Variants in CAST observed in about 807,000 individuals in gnomAD.
CAST encodes the protein calpastatin.
A neutral mutation model predicts 119.6 loss-of-function variants in CAST; 76 were observed. The observed-to-expected ratio is 0.64, with a 90% CI of 0.53 to 0.77. The LOEUF (loss-of-function observed/expected upper bound fraction) is 0.77, where lower values mean the gene tolerates loss of function less well. Among genes scored for constraint, CAST ranks in the 30% least tolerant of loss-of-function variants. The pLI is 0.00. For missense variants in CAST, 953 were observed against 946.5 expected, an observed-to-expected ratio of 1.01 and a Z score of -0.09; for synonymous variants, 319 against 331.6, an observed-to-expected ratio of 0.96 and a Z score of 0.41.
chr5:96,330,225 T>G, the CAST span, among the ~76,000 whole-genome samples: 1 of 152,238 alleles, frequency 6.6e-6, no homozygotes, highest in Non-Finnish European at 1.5e-5. Flanking sequence ...AAAGACCATT[T>G]ACAAAGATGG....
chr5:96,551,232 T>C (rs1049865955), intron 1 of CAST, among the ~76,000 whole-genome samples: 6 of 152,182 alleles, frequency 3.9e-5, no homozygotes, highest in African/African-American at 1.4e-4. Context: ...GCAGAAACCC[T>C]ACAAGCCAGA....
At chr5:96,689,008 A>G (rs1171513133) in intron 2 of CAST, among the ~76,000 whole-genome samples, 1 of 130,298 alleles carries the variant, frequency 7.7e-6, no homozygotes, top group East Asian at 2.6e-4. Context: ...GCTTGTGTGT[A>G]GGGGTGGGGG....
chr5:96,631,261 A>T (rs1472767442), intron 1 of CAST, among the ~76,000 whole-genome samples: 1 of 141,106 alleles, frequency 7.1e-6, no homozygotes, highest in African/African-American at 2.5e-5. Flanking sequence ...AATTAGTCCC[A>T]ATTCACCTCT....
At chr5:96,678,402 T>C (rs1016460104) in intron 2 of CAST, among the ~76,000 whole-genome samples, 35 of 152,226 alleles carry the variant, frequency 2.3e-4, no homozygotes, top group African/African-American at 7.0e-4. Context: ...TTCTATCTTC[T>C]TCACAGTTTT....
chr5:96,326,695 A>ATTTTTTTTTTTTTTTTTTT, the CAST span, among the ~76,000 whole-genome samples: 37 of 95,734 alleles, frequency 3.9e-4, no homozygotes, highest in Non-Finnish European at 5.1e-4. Flanking sequence ...ATGGCTTTTC[A>ATTTTTTTTTTTTTTTTTTT]TTTTTTTTTT....
At chr5:96,663,298 G>T in intron 1 of CAST, 1 of 692,552 alleles carries the variant, frequency 1.4e-6, no homozygotes, top group Non-Finnish European at 2.6e-6. Flanking sequence ...TGCGGACCGG[G>T]TGCGACCTCC....
chr5:96,362,095 G>A, the CAST span, among the ~76,000 whole-genome samples: 50 of 151,870 alleles, frequency 3.3e-4, no homozygotes, highest in Non-Finnish European at 5.7e-4. Flanking sequence ...TTGGTTTTCT[G>A]TCCTTGCGAT....
chr5:96,645,225 T>G (rs1002424652), intron 1 of CAST, among the ~76,000 whole-genome samples: 7 of 152,186 alleles, frequency 4.6e-5, no homozygotes, highest in African/African-American at 1.4e-4. Context: ...TCTGATGTTT[T>G]TCTCATGAGT....
chr5:96,214,929 TG>T, the CAST span: 1 of 152,170 alleles, frequency 6.6e-6, no homozygotes, highest in African/African-American at 2.4e-5. Flanking sequence ...AAAGCCATAG[TG>T]TAATTCCACA....
At chr5:96,672,565 GA>G (rs1750208623) in intron 1 of CAST, among the ~76,000 whole-genome samples, 1 of 152,004 alleles carries the variant, frequency 6.6e-6, no homozygotes, top group African/African-American at 2.4e-5. Flanking sequence ...AAATTAATCG[GA>G]TGTGGTGGTG....
chr5:95,999,606 A>G, the CAST span, among the ~76,000 whole-genome samples: 4 of 152,298 alleles, frequency 2.6e-5, no homozygotes, highest in East Asian at 7.7e-4. Context: ...GGTCTCCCAA[A>G]GTGCTGGGAT....
rs1351778562 is a variant in CAST at position 96,561,853 on chromosome 5, C to T, written c.60+31973C>T. Among the ~76,000 whole-genome samples, 4 of 116,048 alleles carry T rather than the reference C, an allele frequency of 3.4e-5. No homozygotes were observed. The East Asian group carries it at 1.1e-3, about 31-fold the overall frequency. 76.1% of individuals were successfully genotyped at this position (116,048 alleles called of 152,430 possible). A position where few individuals can be genotyped will look rare whatever the true frequency, so the allele number is the denominator to read the frequency against. On this transcript the variant is annotated intron_variant, in intron 1 of 11. Transcript: ENST00000505143. ...TGTCGCCCAGGCTGGAGTGCAGTGGCGCGATCTCGGCTCACTGCAAGCTCC... is the reference window on the plus strand; with the variant it reads ...TGTCGCCCAGGCTGGAGTGCAGTGGTGCGATCTCGGCTCACTGCAAGCTCC...
chr5:96,639,250 A>G (rs1258212124), intron 1 of CAST, among the ~76,000 whole-genome samples: 1 of 152,216 alleles, frequency 6.6e-6, no homozygotes, highest in Non-Finnish European at 1.5e-5. Flanking sequence ...AATCACAGCC[A>G]CATGATCCTA....
the CAST span, among the ~76,000 whole-genome samples, chr5:96,349,813 G>A: frequency 6.6e-6 from 1 of 152,040 alleles, no homozygotes; most frequent in South Asian, 2.1e-4. Flanking sequence ...CTGAGCTTTA[G>A]TAAAATAGCT....
the CAST span, among the ~76,000 whole-genome samples, chr5:96,285,236 T>C: frequency 6.6e-6 from 1 of 152,202 alleles, no homozygotes; most frequent in Non-Finnish European, 1.5e-5. Flanking sequence ...TTATGGAGTT[T>C]ACATTTTAAC....
At chr5:96,637,211 A>C (rs1747898803) in intron 1 of CAST, among the ~76,000 whole-genome samples, 1 of 152,236 alleles carries the variant, frequency 6.6e-6, no homozygotes, top group Admixed American at 6.5e-5. Context: ...GTGCAAGTCT[A>C]AACACTTTAC....
the CAST span, among the ~76,000 whole-genome samples, chr5:96,373,571 A>G: frequency 1.3e-5 from 2 of 152,318 alleles, no homozygotes; most frequent in African/African-American, 4.8e-5. Context: ...GATGCATTGC[A>G]GCCCTGTGGA....
the CAST span, among the ~76,000 whole-genome samples, chr5:96,100,421 C>T: frequency 6.6e-6 from 1 of 152,180 alleles, no homozygotes; most frequent in Non-Finnish European, 1.5e-5. Flanking sequence ...TAGCCCACAA[C>T]TTTTAGCCCA....
the CAST span, among the ~76,000 whole-genome samples, chr5:96,270,578 C>G: frequency 4.6e-5 from 7 of 152,110 alleles, no homozygotes; most frequent in African/African-American, 1.7e-4. Context: ...GAGTTGGAAG[C>G]CGTTATCCTC....
Sources: gnomAD v4.1 joint callset for allele counts (sites outside exome capture counted in the v4.1 genomes callset) on GRCh38, gnomAD v4.1.1 for gene constraint, MANE v1.5 for transcripts, NCBI Gene and HGNC (gene_info 2026-07-23, HGNC 2026-07-21) for gene names.